Variants in SEMA4D observed in about 807,000 individuals in gnomAD.
SEMA4D encodes the protein semaphorin-4D.
SEMA4D carries 22 observed loss-of-function variants against 74.8 expected under a neutral mutation model. The ratio of observed to expected loss-of-function variants is 0.29; its 90% confidence interval spans 0.21 to 0.42. The LOEUF is 0.42. Ranked by LOEUF, SEMA4D falls within the 10% of genes least tolerant of loss-of-function variation. The pLI is 1.00. For synonymous variants in SEMA4D, 445 were observed against 463.7 expected, an observed-to-expected ratio of 0.96 and a Z score of 0.52; for missense variants, 937 against 1,118.4, an observed-to-expected ratio of 0.84 and a Z score of 2.31.
intron 2 of SEMA4D, among the ~76,000 whole-genome samples, chr9:89,439,941 G>A (rs1488001788): frequency 6.6e-6 from 1 of 152,182 alleles, no homozygotes; most frequent in Non-Finnish European, 1.5e-5. Context: ...ATGCCATATA[G>A]TCATTCTACA....
rs1433746898 is a variant in SEMA4D at position 89,377,293 on chromosome 9, A to G, written c.*1411T>C. The stretch of plus-strand genomic sequence containing the variant: ...TTTCCAAATGTATACAATTCAAAGT[A>G]GAAAAATAAAAACAAGGTAAATCTT... On this transcript the variant is annotated 3_prime_UTR_variant, in exon 16 of 16. Transcript: ENST00000422704. 1.2e-5 allele frequency: 6 copies of G among 485,392 alleles called. No homozygotes were observed. The highest frequency in any genetic ancestry group is 2.0e-5 in the Non-Finnish European group (6 of 297,554). 30.1% of individuals were successfully genotyped at this position (485,392 alleles called of 1,614,324 possible). A position where few individuals can be genotyped will look rare whatever the true frequency, so the allele number is the denominator to read the frequency against.
chr9:89,380,761 A>G (rs760339829), intron 15 of SEMA4D, among the ~76,000 whole-genome samples: 1 of 152,194 alleles, frequency 6.6e-6, no homozygotes, highest in South Asian at 2.1e-4. Context: ...CTCCCCATTT[A>G]TAACAGGCTT....
At chr9:89,401,336 C>A (rs1377367471) in intron 4 of SEMA4D, among the ~76,000 whole-genome samples, 2 of 152,196 alleles carry the variant, frequency 1.3e-5, no homozygotes, top group African/African-American at 4.8e-5. Context: ...GGATAACATG[C>A]GTGAGCCACA....
At chr9:89,396,280 G>C (rs756797749) in intron 6 of SEMA4D, among the ~76,000 whole-genome samples, 2 of 152,202 alleles carry the variant, frequency 1.3e-5, no homozygotes, top group East Asian at 1.9e-4. Context: ...CAAGCCAGGA[G>C]CAAGTCCTGA....
At chr9:89,459,652 G>A (rs1425507656) in intron 1 of SEMA4D, among the ~76,000 whole-genome samples, 2 of 152,140 alleles carry the variant, frequency 1.3e-5, no homozygotes, top group African/African-American at 4.8e-5. Context: ...GTCCCAAAGG[G>A]GGCTGACCCT....
intron 2 of SEMA4D, among the ~76,000 whole-genome samples, chr9:89,435,993 C>T (rs1850318408): frequency 6.6e-6 from 1 of 152,204 alleles, no homozygotes; most frequent in Non-Finnish European, 1.5e-5. Flanking sequence ...CCCGCTGCCC[C>T]CCACCCCCAA....
At chr9:89,478,889 C>T (rs1411041811) in intron 1 of SEMA4D, among the ~76,000 whole-genome samples, 1 of 151,790 alleles carries the variant, frequency 6.6e-6, no homozygotes, top group African/African-American at 2.4e-5. Flanking sequence ...CATGTTACTA[C>T]ACTCCCAATT....
chr9:89,468,474 C>T (rs1859316109), intron 1 of SEMA4D, among the ~76,000 whole-genome samples: 1 of 152,208 alleles, frequency 6.6e-6, no homozygotes, highest in Non-Finnish European at 1.5e-5. Flanking sequence ...TCTTCAGTCC[C>T]TGACTCACCA....
downstream of SEMA4D, chr9:89,376,657 C>T: frequency 3.7e-5 from 34 of 931,164 alleles, 1 homozygote; most frequent in South Asian, 6.3e-4. Flanking sequence ...CTACAGTTTC[C>T]CTCGGGATGG....
intron 2 of SEMA4D, among the ~76,000 whole-genome samples, chr9:89,413,502 G>A (rs1329953774): frequency 1.3e-5 from 2 of 152,206 alleles, no homozygotes; most frequent in Admixed American, 1.3e-4. Context: ...CTGTATTTCT[G>A]TATGTGTGCA....
intron 1 of SEMA4D, chr9:89,497,390 G>C (rs1218906431): frequency 1.3e-5 from 2 of 152,336 alleles, no homozygotes; most frequent in African/African-American, 4.8e-5. Context: ...TGAGTGCGCG[G>C]CGCCGGGTCC....
intron 1 of SEMA4D, among the ~76,000 whole-genome samples, chr9:89,469,948 GA>G (rs1346528699): frequency 1.3e-5 from 2 of 152,164 alleles, no homozygotes; most frequent in African/African-American, 2.4e-5. Context: ...AAACTGAAAA[GA>G]ATGAAATAAA....
At chr9:89,458,823 C>T (rs1429455478) in intron 1 of SEMA4D, among the ~76,000 whole-genome samples, 1 of 152,070 alleles carries the variant, frequency 6.6e-6, no homozygotes, top group Admixed American at 6.6e-5. Flanking sequence ...AACACACACT[C>T]ATACACACAC....
intron 1 of SEMA4D, among the ~76,000 whole-genome samples, chr9:89,466,051 T>C (rs912454140): frequency 3.9e-5 from 6 of 152,144 alleles, no homozygotes; most frequent in Non-Finnish European, 7.4e-5. Context: ...TGGTCCACCA[T>C]GTGACACAGT....
At chr9:89,398,223 C>A (rs1180161644) in intron 5 of SEMA4D, among the ~76,000 whole-genome samples, 1 of 152,144 alleles carries the variant, frequency 6.6e-6, no homozygotes, top group African/African-American at 2.4e-5. Flanking sequence ...ACCCTGCCCT[C>A]ATCCTGTGCC....
At chr9:89,489,846 T>C (rs1323379641) in intron 1 of SEMA4D, among the ~76,000 whole-genome samples, 1 of 152,242 alleles carries the variant, frequency 6.6e-6, no homozygotes, top group Non-Finnish European at 1.5e-5. Context: ...CTGCTTTCAA[T>C]TCTTTTAGGT....
exon 19 of SEMA4D, chr9:89,361,763 G>T (rs1479461396): frequency 6.5e-6 from 1 of 153,452 alleles, no homozygotes; most frequent in Non-Finnish European, 1.5e-5. Flanking sequence ...TGAGGTTAGT[G>T]AAGAAAACAC....
At chr9:89,478,820 G>A (rs35394790) in intron 1 of SEMA4D, among the ~76,000 whole-genome samples, 7 of 99,066 alleles carry the variant, frequency 7.1e-5, no homozygotes, top group Admixed American at 2.6e-4. Flanking sequence ...GGCAGCCACC[G>A]CTTTTGTTCC....
chr9:89,384,846 T>G, intron 13 of SEMA4D: 4 of 985,398 alleles, frequency 4.1e-6, no homozygotes, highest in Non-Finnish European at 4.8e-6. Context: ...AGCCACTTCC[T>G]GCTGCCATGG....
Sources: gnomAD v4.1 joint callset for allele counts (sites outside exome capture counted in the v4.1 genomes callset) on GRCh38, gnomAD v4.1.1 for gene constraint, MANE v1.5 for transcripts, NCBI Gene and HGNC (gene_info 2026-07-23, HGNC 2026-07-21) for gene names.